Variants in PITPNC1 observed in about 807,000 individuals in gnomAD.
The protein encoded by PITPNC1 is phosphatidylinositol transfer protein cytoplasmic 1.
PITPNC1 carries 18 observed loss-of-function variants against 44.7 expected under a neutral mutation model. That is an observed-to-expected ratio of 0.40 (90% CI 0.28 to 0.60). The LOEUF (loss-of-function observed/expected upper bound fraction) is 0.60. Ranked by LOEUF, PITPNC1 falls within the 20% of genes least tolerant of loss-of-function variation. The pLI is 0.39. For missense variants in PITPNC1, 290 were observed against 418.4 expected (o/e 0.69, Z 2.68); for synonymous variants, 141 against 149.6 (o/e 0.94, Z 0.42).
intron 5 of PITPNC1, among the ~76,000 whole-genome samples, chr17:67,598,903 G>T (rs963356785): frequency 6.7e-6 from 1 of 148,744 alleles, no homozygotes; most frequent in African/African-American, 2.5e-5. Context: ...CAAAAAAACA[G>T]AAAGAAGGTG....
chr17:67,466,817 C>T, intron 1 of PITPNC1, among the ~76,000 whole-genome samples: 1 of 152,166 alleles, frequency 6.6e-6, no homozygotes, highest in East Asian at 1.9e-4. Flanking sequence ...TTGATCCTCT[C>T]TTTCAACTAC....
intron 5 of PITPNC1, among the ~76,000 whole-genome samples, chr17:67,603,203 C>A (rs1214765843): frequency 6.6e-6 from 1 of 152,158 alleles, no homozygotes; most frequent in African/African-American, 2.4e-5. Flanking sequence ...GGCCTTTTTG[C>A]AAAGTACAGC....
At chr17:67,520,106 G>C (rs536636153) in intron 1 of PITPNC1, among the ~76,000 whole-genome samples, 1 of 152,084 alleles carries the variant, frequency 6.6e-6, no homozygotes. Context: ...GTGGTACTGC[G>C]GCTTCCCTTG....
intron 1 of PITPNC1, among the ~76,000 whole-genome samples, chr17:67,463,519 G>A (rs1598699675): frequency 6.6e-6 from 1 of 152,136 alleles, no homozygotes; most frequent in Admixed American, 6.5e-5. Flanking sequence ...TTCGGCTTCC[G>A]GAAGTCCTTG....
chr17:67,495,040 G>GTTGT (rs2039926791), intron 1 of PITPNC1, among the ~76,000 whole-genome samples: 5 of 64,704 alleles, frequency 7.7e-5, no homozygotes, highest in Admixed American at 6.8e-4. Flanking sequence ...CCATGGAGTT[G>GTTGT]TTTTTTTTTT....
intron 1 of PITPNC1, among the ~76,000 whole-genome samples, chr17:67,413,950 A>G (rs1336215906): frequency 1.3e-5 from 2 of 152,132 alleles, no homozygotes; most frequent in Non-Finnish European, 2.9e-5. Flanking sequence ...CGTTCCAGGG[A>G]TTTATTGGTA....
At chr17:67,689,041 A>G (rs568522641) in intron 8 of PITPNC1, among the ~76,000 whole-genome samples, 2 of 152,204 alleles carry the variant, frequency 1.3e-5, no homozygotes, top group South Asian at 4.1e-4. Flanking sequence ...CGTCTCTACT[A>G]AAAATACAAA....
At chr17:67,634,994 C>T (rs2042016822) in intron 6 of PITPNC1, among the ~76,000 whole-genome samples, 1 of 152,118 alleles carries the variant, frequency 6.6e-6, no homozygotes, top group East Asian at 1.9e-4. Flanking sequence ...ACTCAGGAGG[C>T]TGAGGTTGAA....
chr17:67,578,482 C>T (rs1024069249), intron 5 of PITPNC1, among the ~76,000 whole-genome samples: 2 of 152,168 alleles, frequency 1.3e-5, no homozygotes, highest in African/African-American at 4.8e-5. Context: ...TTCCCTGGGC[C>T]TCTGAGCAGA....
chr17:67,632,254 G>A lies in PITPNC1; in HGVS notation c.462+16G>A, dbSNP rs368195151. Reference sequence around the variant, plus strand: ...AGAATCTGAGGTAAGCAACAGTTGGGATGAGATGTGGAAGATTCATTCATT... The same window carrying A: ...AGAATCTGAGGTAAGCAACAGTTGGAATGAGATGTGGAAGATTCATTCATT... On this transcript the variant is annotated intron_variant, in intron 6 of 8. Coordinates refer to ENST00000581322, the MANE Select transcript of PITPNC1 (RefSeq NM_012417.4). 1 of 1,466,466 alleles carries A rather than the reference G, an allele frequency of 6.8e-7. No individual in the cohort carries two copies. The highest frequency in any genetic ancestry group is 9.6e-7 in the Non-Finnish European group (1 of 1,045,848). The allele number at this position is 1,466,466 out of a possible 1,614,324, so 90.8% of individuals were successfully genotyped here.
At chr17:67,404,715 G>A (rs2038370254) in intron 1 of PITPNC1, among the ~76,000 whole-genome samples, 1 of 152,216 alleles carries the variant, frequency 6.6e-6, no homozygotes, top group Non-Finnish European at 1.5e-5. Context: ...TGTTTGAAAT[G>A]AGTTGCTTAA....
chr17:67,551,084 C>G (rs1327309526), intron 2 of PITPNC1, among the ~76,000 whole-genome samples: 4 of 151,584 alleles, frequency 2.6e-5, no homozygotes, highest in Admixed American at 6.6e-5. Flanking sequence ...ACAAAACAAA[C>G]AAAAAAGTGA....
intron 1 of PITPNC1, among the ~76,000 whole-genome samples, chr17:67,497,474 T>TC (rs920647638): frequency 6.6e-6 from 1 of 151,576 alleles, no homozygotes; most frequent in Non-Finnish European, 1.5e-5. Flanking sequence ...AAGTCGTCTT[T>TC]TTTTTTTTCT....
chr17:67,434,399 G>T (rs945577174), intron 1 of PITPNC1, among the ~76,000 whole-genome samples: 2 of 146,516 alleles, frequency 1.4e-5, no homozygotes, highest in African/African-American at 4.9e-5. Flanking sequence ...CCTCCCACCC[G>T]CCCCACTCCC....
intron 6 of PITPNC1, among the ~76,000 whole-genome samples, chr17:67,664,121 GC>G (rs1166131152): frequency 6.6e-6 from 1 of 151,960 alleles, no homozygotes; most frequent in Non-Finnish European, 1.5e-5. Context: ...ATGCCACCAC[GC>G]CCAGCTAAAT....
At chr17:67,671,592 G>A (rs893818654) in intron 7 of PITPNC1, among the ~76,000 whole-genome samples, 15 of 152,068 alleles carry the variant, frequency 9.9e-5, no homozygotes, top group African/African-American at 3.1e-4. Context: ...TCAGGCTCAC[G>A]GTAATGGCAG....
chr17:67,635,935 A>G (rs1046424122), intron 6 of PITPNC1, among the ~76,000 whole-genome samples: 5 of 152,208 alleles, frequency 3.3e-5, no homozygotes, highest in African/African-American at 7.2e-5. Flanking sequence ...TGCTACTGGT[A>G]TCTAGAGTGT....
chr17:67,607,410 C>T (rs898479016), intron 5 of PITPNC1, among the ~76,000 whole-genome samples: 1 of 152,234 alleles, frequency 6.6e-6, no homozygotes, highest in African/African-American at 2.4e-5. Context: ...CTGCCCATAG[C>T]TTGACCGCTG....
intron 2 of PITPNC1, among the ~76,000 whole-genome samples, chr17:67,533,384 G>A (rs1318255886): frequency 2.0e-5 from 3 of 152,134 alleles, no homozygotes; most frequent in Non-Finnish European, 4.4e-5. Context: ...TCTTTCCCAC[G>A]GCTTTGATGA....
Sources: allele counts gnomAD v4.1 joint callset (sites outside exome capture counted in the v4.1 genomes callset), GRCh38; gene constraint gnomAD v4.1.1; transcripts MANE v1.5; gene names NCBI Gene and HGNC (gene_info 2026-07-23, HGNC 2026-07-21).